TLL1: variants seen among roughly 807,000 people sequenced by gnomAD.
TLL1 encodes tolloid like 1, also known as tolloid-like protein 1.
Under a neutral mutation model 128.2 loss-of-function variants are expected in TLL1, and 49 were observed. That is an observed-to-expected ratio of 0.38 (90% CI 0.30 to 0.48). The LOEUF (loss-of-function observed/expected upper bound fraction) is 0.48. TLL1 is among the 20% of genes least tolerant of loss of function. TLL1 has a pLI of 0.96. For missense variants in TLL1, 1,123 were observed against 1,242.0 expected, an observed-to-expected ratio of 0.90 and a Z score of 1.44; for synonymous variants, 454 against 418.8, an observed-to-expected ratio of 1.08 and a Z score of -1.03.
In TLL1 at chr4:166,101,845, T is replaced by C. The variant is rs572400404; in HGVS notation, c.*969T>C. ...GTCATGGTTAATCTATTTTTTAAAA[T>C]TGAAATGAAGCAGAAGTAGGCCTTG... is the stretch of plus-strand genomic sequence containing the variant. On this transcript the variant is annotated 3_prime_UTR_variant, in exon 21 of 21. Transcript: ENST00000061240. 2.0e-5 allele frequency: 3 copies of C among 152,594 alleles called. No homozygotes were observed. The East Asian group carries it at 5.8e-4, about 30-fold the overall frequency. 9.5% of individuals were successfully genotyped at this position (152,594 alleles called of 1,614,324 possible).
rs1046875685 is a variant in TLL1, at chr4:166,103,372, A to T, written c.*2496A>T. 6 of 151,878 alleles carry T rather than the reference A, an allele frequency of 4.0e-5. No individual in the cohort carries two copies. In the East Asian group the frequency reaches 1.2e-3, roughly 29 times the overall value. The allele number at this position is 151,878 out of a possible 1,614,324, so 9.4% of individuals were successfully genotyped here. A position where few individuals can be genotyped will look rare whatever the true frequency, so the allele number is the denominator to read the frequency against. ...GAATCAGAATTAGTACTAGAAATTT[A>T]AAAAACCCTATAGTTTGGAGTTAGT... On this transcript the variant is annotated 3_prime_UTR_variant, in exon 21 of 21. Coordinates refer to ENST00000061240, the MANE Select transcript of TLL1 (RefSeq NM_012464.5).
At chr4:166,045,306 C>T (rs1190074913) in intron 12 of TLL1, among the ~76,000 whole-genome samples, 15 of 152,226 alleles carry the variant, frequency 9.9e-5, no homozygotes, top group African/African-American at 3.1e-4. Flanking sequence ...TTTTATTTTA[C>T]TTACTAAACC....
chr4:166,087,960 C>A (rs1741599377), intron 18 of TLL1, among the ~76,000 whole-genome samples: 1 of 152,032 alleles, frequency 6.6e-6, no homozygotes, highest in African/African-American at 2.4e-5. Flanking sequence ...TTATTTTTGG[C>A]CTTTCTAAAA....
intron 19 of TLL1, among the ~76,000 whole-genome samples, 190 bp from the exon 20 acceptor site, chr4:166,099,087 G>A (rs902848421): frequency 9.2e-5 from 14 of 152,030 alleles, no homozygotes; most frequent in African/African-American, 2.2e-4. Context: ...AACCCAGGTC[G>A]TCCATGTCTG....
At chr4:166,063,672 T>C (rs2111122948) in intron 15 of TLL1, among the ~76,000 whole-genome samples, 1 of 152,204 alleles carries the variant, frequency 6.6e-6, no homozygotes, top group African/African-American at 2.4e-5. Context: ...TAAAAAATGA[T>C]GAGTTCATGT....
chr4:165,979,383 A>T (rs1736036923), intron 1 of TLL1, among the ~76,000 whole-genome samples: 1 of 152,104 alleles, frequency 6.6e-6, no homozygotes, highest in African/African-American at 2.4e-5. Flanking sequence ...TTATATATTA[A>T]ATATTATGCA....
At chr4:165,998,159 T>C (rs1474340939) in intron 5 of TLL1, among the ~76,000 whole-genome samples, 2 of 152,208 alleles carry the variant, frequency 1.3e-5, no homozygotes, top group Non-Finnish European at 2.9e-5. Flanking sequence ...CAGTGGCATT[T>C]ATTTATTTTG....
At chr4:166,077,778 G>T in intron 17 of TLL1, 125 bp from the exon 18 acceptor site, 1 of 1,261,832 alleles carries the variant, frequency 7.9e-7, no homozygotes, top group Non-Finnish European at 1.1e-6. Flanking sequence ...ACCGACACGG[G>T]AGTGAAAATT....
Position 166,091,302 on chromosome 4 carries a change from T to C in TLL1, c.2617T>C (p.Ser873Pro). 2 of 1,613,034 alleles carry C rather than the reference T, an allele frequency of 1.2e-6. No homozygotes were observed. Among genetic ancestry groups the C allele is most frequent in the Non-Finnish European group, 1.7e-6 (2 of 1,179,384 alleles). Reference sequence around the variant, plus strand: ...GTTTGTTCGGTTTGTTTCTGATGCATCTGTTCAAAGAAAAGGCTTTCAAGC... The same window carrying C: ...GTTTGTTCGGTTTGTTTCTGATGCACCTGTTCAAAGAAAAGGCTTTCAAGC... ...KMFVRFVSDA[S>P]VQRKGFQATH... The change falls in exon 19 of 21, where the codon TCT becomes CCT. Residue 873 changes from serine to proline, a missense_variant. By Grantham distance (74) the Ser-to-Pro change is moderately conservative. Around this residue, in one of 3 missense-constraint regions of TLL1, gnomAD observed 634 missense variants for 672.4 expected, o/e 0.94. Transcript: ENST00000061240.
At position 166,014,469 on chromosome 4, in the gene TLL1, T is replaced by C; in HGVS notation, c.951T>C (p.Arg317=). The change falls in exon 8 of 21, where the codon CGT becomes CGC. Residue 317 remains arginine, a synonymous_variant. Transcript: ENST00000061240. ...GMFLDTILPS[R]DDNGIRPAIG... ...TTCTGGATACCATTCTCCCCTCCCG[T>C]GATGATAATGGCATACGTCCTGCAA... 1 of 1,612,338 alleles carries C rather than the reference T, an allele frequency of 6.2e-7. No individual in the cohort carries two copies.
chr4:166,025,300 AT>A lies in TLL1; in HGVS notation c.1043-9del. The A allele has an allele frequency of 5.9e-6, 9 of 1,533,908 alleles. No individual in the cohort carries two copies. Among genetic ancestry groups the A allele is most frequent in the Middle Eastern group, 1.7e-4 (1 of 5,910 alleles). Reference sequence around the variant, plus strand: ...TATAAATTAACCAATGATCTTATATATTTTTTTCCTTTCAGCATGTGGAGAA... The same window carrying A: ...TATAAATTAACCAATGATCTTATATATTTTTTCCTTTCAGCATGTGGAGAA... On this transcript the variant is annotated splice_polypyrimidine_tract_variant and intron_variant, in intron 8 of 20. Coordinates refer to ENST00000061240, the MANE Select transcript of TLL1 (RefSeq NM_012464.5).
intron 1 of TLL1, among the ~76,000 whole-genome samples, chr4:165,957,651 C>G (rs547957448): frequency 6.6e-6 from 1 of 151,444 alleles, no homozygotes; most frequent in East Asian, 2.0e-4. Flanking sequence ...TTTTATCGCT[C>G]GTCCCCATCC....
In TLL1 at chr4:166,082,898, A is replaced by G. The variant is rs141727050; in HGVS notation, c.2442+4868A>G. The stretch of plus-strand genomic sequence containing the variant: ...TGCTATGTTGGCCAGGCTGGTCTCG[A>G]ACTCCTGACCTCAGGTGATCTGCCT... On this transcript the variant is annotated intron_variant, in intron 18 of 20. Coordinates refer to ENST00000061240, the MANE Select transcript of TLL1 (RefSeq NM_012464.5). Among the ~76,000 whole-genome samples, 850 of 152,210 alleles carry G rather than the reference A, an allele frequency of 5.6e-3. 11 individuals carry two copies. Among genetic ancestry groups the G allele is most frequent in the African/African-American group, 0.02 (817 of 41,544 alleles).
chr4:166,069,237 G>A (rs6536945), intron 16 of TLL1, among the ~76,000 whole-genome samples: 67,695 of 151,166 alleles, frequency 0.45, 16,847 homozygotes, highest in African/African-American at 0.69. Context: ...TTAATATATT[G>A]TATACATTAA....
chr4:166,097,306 A>C (rs1317740426), intron 19 of TLL1, among the ~76,000 whole-genome samples: 1 of 152,090 alleles, frequency 6.6e-6, no homozygotes, highest in Non-Finnish European at 1.5e-5. Context: ...GGGACTTGGG[A>C]GATAAAATCC....
intron 8 of TLL1, among the ~76,000 whole-genome samples, chr4:166,014,783 T>C (rs939129029): frequency 2.0e-5 from 3 of 152,008 alleles, no homozygotes; most frequent in Non-Finnish European, 4.4e-5. Context: ...AACACAGGGA[T>C]AGTATATTTT....
chr4:165,913,470 C>T (rs1355541167), intron 1 of TLL1, among the ~76,000 whole-genome samples: 1 of 152,178 alleles, frequency 6.6e-6, no homozygotes, highest in African/African-American at 2.4e-5. Flanking sequence ...AGCTTACTCA[C>T]TTGAGAAATT....
chr4:166,073,338 C>T (rs936257911), intron 16 of TLL1, among the ~76,000 whole-genome samples: 8 of 152,238 alleles, frequency 5.3e-5, no homozygotes, highest in African/African-American at 1.9e-4. Context: ...CTATAATTCT[C>T]ACTGTTGATA....
intron 1 of TLL1, among the ~76,000 whole-genome samples, chr4:165,949,959 C>T (rs1374704465): frequency 6.6e-6 from 1 of 152,014 alleles, no homozygotes; most frequent in African/African-American, 2.4e-5. Flanking sequence ...AATGATCTAG[C>T]CACACCATTA....
Sources: gnomAD v4.1 joint callset for allele counts (sites outside exome capture counted in the v4.1 genomes callset) on GRCh38, gnomAD v4.1.1 for gene constraint, gnomAD v4.1.1 regional missense constraint, MANE v1.5 for transcripts, NCBI Gene and HGNC (gene_info 2026-07-23, HGNC 2026-07-21) for gene names.